Variants in FER observed in about 807,000 individuals in gnomAD.
FER encodes FER tyrosine kinase.
In FER, 63 loss-of-function variants were observed where a neutral mutation model predicts 111.0. The ratio of observed to expected loss-of-function variants is 0.57; its 90% CI spans 0.46 to 0.70. The LOEUF is 0.70. FER is among the 30% of genes least tolerant of loss of function. The pLI, the probability that FER is intolerant of heterozygous loss-of-function variation, is 0.00. For synonymous variants in FER, 327 were observed against 313.9 expected (o/e 1.04, Z -0.44); for missense variants, 914 against 954.0 (o/e 0.96, Z 0.55).
intron 16 of FER, among the ~76,000 whole-genome samples, chr5:109,067,401 ATTG>A (rs1775237604): frequency 6.6e-6 from 1 of 151,640 alleles, no homozygotes; most frequent in Non-Finnish European, 1.5e-5. Flanking sequence ...TGGGATTTTT[ATTG>A]TTGTTATTTT....
chr5:109,136,475 T>C (rs1048475925), intron 17 of FER, among the ~76,000 whole-genome samples: 1 of 152,148 alleles, frequency 6.6e-6, no homozygotes, highest in Non-Finnish European at 1.5e-5. Context: ...AAATATCATA[T>C]AAAAGTAATT....
At chr5:109,021,241 G>T (rs1442982212) in intron 13 of FER, among the ~76,000 whole-genome samples, 1 of 151,946 alleles carries the variant, frequency 6.6e-6, no homozygotes, top group Non-Finnish European at 1.5e-5. Flanking sequence ...ACTAACGGTA[G>T]GTCTGTTAAG....
intron 2 of FER, among the ~76,000 whole-genome samples, chr5:108,768,546 T>C (rs1053852403): frequency 6.6e-6 from 1 of 152,242 alleles, no homozygotes; most frequent in African/African-American, 2.4e-5. Context: ...GGCACCAAAC[T>C]GAACATATCA....
Position 108,897,859 on chromosome 5 carries a change from GAAT to G in FER, c.1236+15_1236+17del, listed in dbSNP as rs1749381421. ...TCAGTTACATCTATGGTAAGCTAAA[GAAT>G]AATCCAATGAGAAACTTGGAAGAGT... On this transcript the variant is annotated intron_variant, in intron 10 of 19. Transcript: ENST00000281092. 6.3e-7 allele frequency: 1 copy of G among 1,584,338 alleles called. No individual in the cohort carries two copies. The highest frequency in any genetic ancestry group is 8.6e-7 in the Non-Finnish European group (1 of 1,168,068).
intron 7 of FER, 90 bp downstream of exon 7, chr5:108,871,592 T>C (rs1764605989): frequency 1.1e-6 from 1 of 935,072 alleles, no homozygotes; most frequent in East Asian, 2.7e-5. Flanking sequence ...TAAGAAATAC[T>C]TAAGATCTTA....
chr5:108,972,581 G>A lies in FER; in HGVS notation c.1656+13234G>A, dbSNP rs550765017. On this transcript the variant is annotated intron_variant, in intron 13 of 19. Transcript: ENST00000281092. The stretch of plus-strand genomic sequence containing the variant: ...ACTATGTTAGTTTTGTATATCTGAC[G>A]TGCCCATTAAAGGTGTTTGAGAGCA... Among the ~76,000 whole-genome samples the A allele has an allele frequency of 3.9e-4, 60 of 152,124 alleles. 3 individuals carry two copies. In the South Asian group the frequency reaches 0.012, roughly 30 times the overall value.
At chr5:108,793,839 T>C (rs1330661778) in intron 2 of FER, among the ~76,000 whole-genome samples, 1 of 152,210 alleles carries the variant, frequency 6.6e-6, no homozygotes, top group East Asian at 1.9e-4. Flanking sequence ...AATACTGTTT[T>C]ATAACCCAGT....
chr5:109,081,927 T>C (rs1220014709), intron 16 of FER, among the ~76,000 whole-genome samples: 1 of 151,994 alleles, frequency 6.6e-6, no homozygotes, highest in Admixed American at 6.6e-5. Flanking sequence ...CTTAACCTGT[T>C]CTCTGGATCC....
intron 13 of FER, among the ~76,000 whole-genome samples, chr5:108,966,370 A>T (rs984728325): frequency 6.7e-6 from 1 of 149,694 alleles, no homozygotes; most frequent in African/African-American, 2.5e-5. Context: ...AGTATTTATT[A>T]TACTTCCTTT....
chr5:109,043,773 C>T (rs1266531162), intron 14 of FER, among the ~76,000 whole-genome samples: 1 of 152,108 alleles, frequency 6.6e-6, no homozygotes, highest in Admixed American at 6.5e-5. Context: ...GAGATCGAGA[C>T]CATCCTGGCC....
Position 109,100,534 on chromosome 5 carries a change from T to G in FER, c.2048+15T>G. 2 of 1,589,590 alleles carry G rather than the reference T, an allele frequency of 1.3e-6. No individual in the cohort carries two copies. ...TGTATACACAGGTAAGGAGAACATT[T>G]TTAAAGCAATTTTTGGTTTTATTAA... On this transcript the variant is annotated intron_variant, in intron 17 of 19. Coordinates refer to ENST00000281092, the MANE Select transcript of FER (RefSeq NM_005246.4).
intron 16 of FER, among the ~76,000 whole-genome samples, chr5:109,095,910 A>C (rs1747453727): frequency 6.6e-6 from 1 of 152,084 alleles, no homozygotes. Flanking sequence ...AGGGTAATTA[A>C]TTATACATTT....
chr5:109,097,365 GA>G (rs35029392), intron 16 of FER, among the ~76,000 whole-genome samples: 1 of 151,678 alleles, frequency 6.6e-6, no homozygotes, highest in Non-Finnish European at 1.5e-5. Context: ...TACCCATACA[GA>G]AAAAAGTCTT....
At chr5:108,920,798 A>G (rs1219744562) in intron 10 of FER, among the ~76,000 whole-genome samples, 1 of 152,120 alleles carries the variant, frequency 6.6e-6, no homozygotes, top group African/African-American at 2.4e-5. Context: ...ATGAGATTTT[A>G]TATTTCTCCT....
At chr5:109,085,606 G>T (rs994507186) in intron 16 of FER, among the ~76,000 whole-genome samples, 1 of 148,070 alleles carries the variant, frequency 6.8e-6, no homozygotes, top group African/African-American at 2.4e-5. Context: ...AGTAGTAAGT[G>T]CAGGCATCCT....
chr5:108,997,053 G>C (rs992339834), intron 13 of FER, among the ~76,000 whole-genome samples: 6 of 151,836 alleles, frequency 4.0e-5, no homozygotes, highest in African/African-American at 1.5e-4. Context: ...TCATGATTTG[G>C]CTCTCTGTCT....
rs891472388 is a variant in FER at position 109,193,507 on chromosome 5, C to G, written c.*5932C>G. ...TTTCTAACTATCTTCTCAAATATTA[C>G]TGAGGCCAGCAAGATGCAAGTGTTC... On this transcript the variant is annotated 3_prime_UTR_variant, in exon 20 of 20. Coordinates refer to ENST00000281092, the MANE Select transcript of FER (RefSeq NM_005246.4). 6.6e-6 allele frequency: 1 copy of G among 152,150 alleles called. No homozygotes were observed. The highest frequency in any genetic ancestry group is 2.4e-5 in the African/African-American group (1 of 41,428). The allele number at this position is 152,150 out of a possible 1,614,324, so 9.4% of individuals were successfully genotyped here.
intron 10 of FER, among the ~76,000 whole-genome samples, chr5:108,899,434 C>T (rs986536559): frequency 5.9e-5 from 9 of 152,060 alleles, no homozygotes; most frequent in Non-Finnish European, 2.9e-5. Flanking sequence ...AATATCTTAT[C>T]TAGTAAATCT....
chr5:108,911,466 A>C (rs115621131), intron 10 of FER, among the ~76,000 whole-genome samples: 255 of 152,140 alleles, frequency 1.7e-3, no homozygotes, highest in African/African-American at 6.0e-3. Context: ...AAAACTTTCT[A>C]GTTTAAGTCT....
Sources: gnomAD v4.1 joint callset for allele counts (sites outside exome capture counted in the v4.1 genomes callset) on GRCh38, gnomAD v4.1.1 for gene constraint, MANE v1.5 for transcripts, NCBI Gene and HGNC (gene_info 2026-07-23, HGNC 2026-07-21) for gene names.